Variants in ATG5 observed in about 807,000 individuals in gnomAD.
ATG5 encodes the protein autophagy protein 5.
A neutral mutation model predicts 36.5 loss-of-function variants in ATG5; 14 were observed. That is an observed-to-expected ratio of 0.38 (90% CI 0.25 to 0.60). The LOEUF (loss-of-function observed/expected upper bound fraction) is 0.60. Ranked by LOEUF, ATG5 falls within the 20% of genes least tolerant of loss-of-function variation. ATG5 has a pLI of 0.60. For synonymous variants in ATG5, 95 were observed against 101.5 expected (o/e 0.94, Z 0.38); for missense variants, 195 against 326.7 (o/e 0.60, Z 3.11).
At chr6:106,211,666 T>C (rs948943466) in intron 6 of ATG5, among the ~76,000 whole-genome samples, 1 of 152,142 alleles carries the variant, frequency 6.6e-6, no homozygotes, top group African/African-American at 2.4e-5. Flanking sequence ...GCTGAGATCA[T>C]GTCACTGCAC....
At chr6:106,323,664 T>C (rs1463733044) in intron 1 of ATG5, among the ~76,000 whole-genome samples, 1 of 152,158 alleles carries the variant, frequency 6.6e-6, no homozygotes, top group Non-Finnish European at 1.5e-5. Flanking sequence ...ACTACCCTGA[T>C]TCAAGTCACC....
At chr6:106,288,452 T>C (rs1780172754) in intron 4 of ATG5, among the ~76,000 whole-genome samples, 1 of 152,102 alleles carries the variant, frequency 6.6e-6, no homozygotes, top group Non-Finnish European at 1.5e-5. Flanking sequence ...TACATCCAAA[T>C]CTATATGTTA....
rs1454811156 is a variant in ATG5, at chr6:106,186,223, G to A, written c.*317C>T. 4.1e-6 allele frequency: 1 copy of A among 246,574 alleles called. No individual in the cohort carries two copies. The allele number at this position is 246,574 out of a possible 1,614,324, so 15.3% of individuals were successfully genotyped here. ...TATTTGTTAATCAGAAATACAAATC[G>A]AGTGGCACATACTTCCATTTTCTTC... On this transcript the variant is annotated 3_prime_UTR_variant, in exon 8 of 8. Coordinates refer to ENST00000369076, the MANE Select transcript of ATG5 (RefSeq NM_004849.4).
At chr6:106,279,529 T>C in intron 5 of ATG5, 132 bp downstream of exon 5, 1 of 754,678 alleles carries the variant, frequency 1.3e-6, no homozygotes, top group African/African-American at 1.8e-5. Context: ...GTAGCTTCTG[T>C]GCAAATCTGG....
At chr6:106,320,503 C>G (rs1233425793) in intron 1 of ATG5, among the ~76,000 whole-genome samples, 2 of 151,874 alleles carry the variant, frequency 1.3e-5, no homozygotes, top group Non-Finnish European at 2.9e-5. Flanking sequence ...AATGAAAGAG[C>G]TGATACCATA....
At position 106,225,907 on chromosome 6, in the gene ATG5, G is replaced by A. The variant is rs559624850; in HGVS notation, c.573+22243C>T. On this transcript the variant is annotated intron_variant, in intron 6 of 7. Coordinates refer to ENST00000369076, the MANE Select transcript of ATG5 (RefSeq NM_004849.4). ...AACCAAAAAATTAAAAGAAAAACCT[G>A]GGAAATAAGAAATCCAAAGGGGGTC... is the stretch of plus-strand genomic sequence containing the variant. Among the ~76,000 whole-genome samples the A allele has an allele frequency of 3.9e-5, 6 of 152,218 alleles. 1 individual carries two copies. The highest frequency in any genetic ancestry group is 3.9e-4 in the Admixed American group (6 of 15,292).
At chr6:106,210,208 T>TA (rs1239556925) in intron 6 of ATG5, among the ~76,000 whole-genome samples, 2 of 152,162 alleles carry the variant, frequency 1.3e-5, no homozygotes, top group African/African-American at 4.8e-5. Context: ...AAAAGCCCCT[T>TA]AGGTGATCCT....
intron 5 of ATG5, among the ~76,000 whole-genome samples, chr6:106,260,548 C>G (rs1410061902): frequency 6.6e-6 from 1 of 152,138 alleles, no homozygotes; most frequent in Non-Finnish European, 1.5e-5. Context: ...TTTAGATGAA[C>G]AAACGTGTTC....
intron 2 of ATG5, among the ~76,000 whole-genome samples, chr6:106,315,819 GC>G (rs1300975580): frequency 6.6e-6 from 1 of 151,992 alleles, no homozygotes; most frequent in East Asian, 1.9e-4. Context: ...AGTCAAGAAG[GC>G]ACCATAGCTG....
At chr6:106,205,588 C>T (rs924750132) in intron 6 of ATG5, among the ~76,000 whole-genome samples, 1 of 151,970 alleles carries the variant, frequency 6.6e-6, no homozygotes, top group African/African-American at 2.4e-5. Context: ...AAAAAAAATG[C>T]TAAACAGGAA....
At chr6:106,232,177 T>C (rs775694678) in intron 6 of ATG5, among the ~76,000 whole-genome samples, 25 of 152,244 alleles carry the variant, frequency 1.6e-4, no homozygotes, top group South Asian at 4.1e-4. Flanking sequence ...TGCTTGACCA[T>C]TGACGGCCAG....
At chr6:106,226,544 A>G (rs1393389495) in intron 6 of ATG5, among the ~76,000 whole-genome samples, 1 of 152,194 alleles carries the variant, frequency 6.6e-6, no homozygotes, top group Non-Finnish European at 1.5e-5. Flanking sequence ...ACTAAAAAAA[A>G]GTTTATCTAA....
At chr6:106,281,532 G>C (rs183636621) in intron 4 of ATG5, among the ~76,000 whole-genome samples, 14 of 152,226 alleles carry the variant, frequency 9.2e-5, no homozygotes, top group South Asian at 2.1e-4. Flanking sequence ...TTGCTGAGTA[G>C]CAGGCCATTT....
At chr6:106,296,444 AG>A (rs1562261806) in intron 3 of ATG5, among the ~76,000 whole-genome samples, 2 of 152,252 alleles carry the variant, frequency 1.3e-5, no homozygotes, top group African/African-American at 4.8e-5. Flanking sequence ...GATGCCTAGA[AG>A]GATGATAGAA....
At chr6:106,238,396 A>C (rs558935783) in intron 6 of ATG5, among the ~76,000 whole-genome samples, 1 of 152,230 alleles carries the variant, frequency 6.6e-6, no homozygotes, top group Non-Finnish European at 1.5e-5. Context: ...ACTGTAACAT[A>C]TATCTCTAAA....
chr6:106,291,858 G>A (rs910639472), intron 4 of ATG5, among the ~76,000 whole-genome samples: 3 of 152,180 alleles, frequency 2.0e-5, no homozygotes, highest in Non-Finnish European at 2.9e-5. Context: ...CTGTTCTTTG[G>A]TAACTAACGT....
intron 6 of ATG5, among the ~76,000 whole-genome samples, chr6:106,242,399 T>C (rs1402425703): frequency 1.3e-5 from 2 of 152,192 alleles, no homozygotes; most frequent in East Asian, 3.9e-4. Context: ...ATGAGGTACC[T>C]ATGGATGTCA....
At chr6:106,202,502 A>AAC (rs1582542926) in intron 6 of ATG5, 1 of 155,620 alleles carries the variant, frequency 6.4e-6, no homozygotes. Flanking sequence ...CCAACTATGA[A>AAC]ACACAGTTTT....
rs188293558 is a variant in ATG5, at chr6:106,235,482, G to A, written c.573+12668C>T. ...CTTGGGTTTTCCTGTTGAGTGGGGG[G>A]ACTGAGAGACAGGATTAGCTGGATT... On this transcript the variant is annotated intron_variant, in intron 6 of 7. Coordinates refer to ENST00000369076, the MANE Select transcript of ATG5 (RefSeq NM_004849.4). 5.1e-4 allele frequency among the ~76,000 whole-genome samples: 77 copies of A among 150,778 alleles called. 1 individual carries two copies. Among genetic ancestry groups the A allele is most frequent in the Admixed American group, 4.3e-3 (66 of 15,176 alleles).
Sources: allele counts gnomAD v4.1 joint callset (sites outside exome capture counted in the v4.1 genomes callset), GRCh38; gene constraint gnomAD v4.1.1; transcripts MANE v1.5; gene names NCBI Gene and HGNC (gene_info 2026-07-23, HGNC 2026-07-21).